Variants in DENND2A observed in about 807,000 individuals in gnomAD.
The protein encoded by DENND2A is DENN domain containing 2A.
Under a neutral mutation model 105.3 loss-of-function variants are expected in DENND2A, and 53 were observed. The ratio of observed to expected loss-of-function variants is 0.50; its 90% CI spans 0.40 to 0.63. DENND2A has a LOEUF of 0.63. Among genes scored for constraint, DENND2A ranks in the 30% least tolerant of loss-of-function variants. The pLI is 0.00. For synonymous variants in DENND2A, 522 were observed against 508.4 expected, an observed-to-expected ratio of 1.03 and a Z score of -0.36; for missense variants, 1,138 against 1,279.6, an observed-to-expected ratio of 0.89 and a Z score of 1.69.
At chr7:140,560,625 C>G (rs1797573732) in intron 9 of DENND2A, among the ~76,000 whole-genome samples, 1 of 151,104 alleles carries the variant, frequency 6.6e-6, no homozygotes, top group Non-Finnish European at 1.5e-5. Context: ...GGTCCCACCT[C>G]TATGGGAAAA....
At chr7:140,620,890 G>A (rs1188830070) in intron 1 of DENND2A, among the ~76,000 whole-genome samples, 2 of 151,866 alleles carry the variant, frequency 1.3e-5, no homozygotes, top group African/African-American at 4.9e-5. Flanking sequence ...ATGGCTAAAG[G>A]GAAATACAGT....
chr7:140,551,136 A>G (rs1016893751), intron 12 of DENND2A, among the ~76,000 whole-genome samples: 1 of 151,352 alleles, frequency 6.6e-6, no homozygotes, highest in African/African-American at 2.4e-5. Flanking sequence ...TCCCGTCTCT[A>G]CTAAAAATAC....
rs537609178 is a variant in DENND2A, at chr7:140,577,394, T to G, written c.1246-3386A>C. Among the ~76,000 whole-genome samples, 171 of 151,024 alleles carry G rather than the reference T, an allele frequency of 1.1e-3. 1 individual carries two copies. Among genetic ancestry groups the G allele is most frequent in the Non-Finnish European group, 2.1e-3 (140 of 67,840 alleles). ...ATCTTGGACTTAGGGATCAGAAAAC[T>G]TTTTCTTTTTTTTTTTTTTTTGAGA... is the stretch of plus-strand genomic sequence containing the variant. On this transcript the variant is annotated intron_variant, in intron 5 of 19. Transcript: ENST00000496613.
At chr7:140,580,421 G>T (rs1284382083) in intron 5 of DENND2A, among the ~76,000 whole-genome samples, 1 of 152,164 alleles carries the variant, frequency 6.6e-6, no homozygotes, top group Non-Finnish European at 1.5e-5. Flanking sequence ...CTGGGTTCAA[G>T]TGAATCTCCC....
At position 140,527,242 on chromosome 7, in the gene DENND2A, GA is replaced by G; in HGVS notation, c.2505+75del. ...CTGCTGGCTCTGAGAACCGCTCCAT[GA>G]TGCCTGCAGAGCCAGCGCCCCGCTC... On this transcript the variant is annotated intron_variant, in intron 15 of 19. Coordinates refer to ENST00000496613, the MANE Select transcript of DENND2A (RefSeq NM_015689.5). This position sits in a 1 kb window ranked among gnomAD's most constrained non-coding sequence, Gnocchi z 4.9. The G allele has an allele frequency of 7.0e-7, 1 of 1,426,666 alleles. No individual in the cohort carries two copies. The highest frequency in any genetic ancestry group is 1.5e-5 in the South Asian group (1 of 68,654). 88.4% of individuals were successfully genotyped at this position (1,426,666 alleles called of 1,614,324 possible).
intron 15 of DENND2A, among the ~76,000 whole-genome samples, chr7:140,526,972 G>C (rs1796076866): frequency 6.6e-6 from 1 of 152,172 alleles, no homozygotes; most frequent in Admixed American, 6.6e-5. Context: ...ACCAGATCTT[G>C]CTAGCTCCTC....
At chr7:140,610,185 G>A (rs1383131576) in intron 1 of DENND2A, among the ~76,000 whole-genome samples, 1 of 151,498 alleles carries the variant, frequency 6.6e-6, no homozygotes, top group Non-Finnish European at 1.5e-5. Context: ...CACCTAGGCT[G>A]GTCTTGAACT....
chr7:140,545,294 C>T (rs1796849598), intron 13 of DENND2A, among the ~76,000 whole-genome samples: 1 of 152,166 alleles, frequency 6.6e-6, no homozygotes, highest in African/African-American at 2.4e-5. Context: ...TTAGGTAACC[C>T]TGACACCATC....
intron 4 of DENND2A, among the ~76,000 whole-genome samples, chr7:140,586,292 G>A (rs1798776292): frequency 6.6e-6 from 1 of 152,166 alleles, no homozygotes; most frequent in African/African-American, 2.4e-5. Context: ...GCCGAAGGGG[G>A]TGGATCACTT....
At chr7:140,543,285 A>AT (rs36113743) in intron 14 of DENND2A, among the ~76,000 whole-genome samples, 47,524 of 128,270 alleles carry the variant, frequency 0.37, 9,190 homozygotes, top group African/African-American at 0.51. Flanking sequence ...TACCTGGCTA[A>AT]TTTTTTTTTT....
At chr7:140,620,598 G>A (rs970712410) in intron 1 of DENND2A, among the ~76,000 whole-genome samples, 2 of 152,302 alleles carry the variant, frequency 1.3e-5, no homozygotes, top group African/African-American at 4.8e-5. Flanking sequence ...TATAAACGCT[G>A]CTGTTGTCTG....
chr7:140,640,062 G>A lies in DENND2A; in HGVS notation c.-248+442C>T, dbSNP rs982130592. Among the ~76,000 whole-genome samples, 1 of 152,224 alleles carries A rather than the reference G, an allele frequency of 6.6e-6. No homozygotes were observed. Among genetic ancestry groups the A allele is most frequent in the African/African-American group, 2.4e-5 (1 of 41,464 alleles). On this transcript the variant is annotated intron_variant, in intron 1 of 19. Transcript: ENST00000496613. The surrounding 1 kb of genome is among the most constrained non-coding windows in gnomAD (Gnocchi z 4.9). ...TGACCGCTGTGAGGGGGGCCCGGCT[G>A]CTCAGCCGCCTCGATGCCCCGCGCT...
chr7:140,541,506 C>G (rs1046148862), intron 14 of DENND2A, among the ~76,000 whole-genome samples: 4 of 152,202 alleles, frequency 2.6e-5, no homozygotes, highest in African/African-American at 7.2e-5. Context: ...TCCCCTCCCC[C>G]ACATCCAAGC....
intron 2 of DENND2A, among the ~76,000 whole-genome samples, chr7:140,604,138 G>T (rs1186594350): frequency 6.6e-6 from 1 of 152,208 alleles, no homozygotes; most frequent in Non-Finnish European, 1.5e-5. Flanking sequence ...TGAATGTATA[G>T]ATCTGACCGC....
At chr7:140,533,219 TTGACCTCATGATCC>T (rs1796330438) in intron 14 of DENND2A, among the ~76,000 whole-genome samples, 1 of 152,126 alleles carries the variant, frequency 6.6e-6, no homozygotes, top group African/African-American at 2.4e-5. Context: ...TCTCGATTTC[TTGACCTCATGATCC>T]ACCCGATTCA....
intron 14 of DENND2A, among the ~76,000 whole-genome samples, chr7:140,539,673 G>C (rs1414376589): frequency 6.6e-6 from 1 of 152,226 alleles, no homozygotes; most frequent in Non-Finnish European, 1.5e-5. Flanking sequence ...AGGGCCGTAG[G>C]GGGCATGAAA....
intron 6 of DENND2A, among the ~76,000 whole-genome samples, chr7:140,572,882 C>T (rs777904930): frequency 1.3e-5 from 2 of 151,916 alleles, no homozygotes; most frequent in Non-Finnish European, 2.9e-5. Context: ...GCACAAAGGG[C>T]GCTCTGACCT....
chr7:140,589,994 T>C (rs145591684), intron 3 of DENND2A, among the ~76,000 whole-genome samples: 11 of 152,314 alleles, frequency 7.2e-5, no homozygotes, highest in African/African-American at 1.9e-4. Flanking sequence ...AAATAACATC[T>C]GAATCTTTAA....
intron 9 of DENND2A, among the ~76,000 whole-genome samples, chr7:140,560,941 A>G (rs1414802308): frequency 6.6e-6 from 1 of 152,136 alleles, no homozygotes; most frequent in East Asian, 1.9e-4. Context: ...GAAAAAAAAA[A>G]GGACAGGATG....
Sources: gnomAD v4.1 joint callset for allele counts (sites outside exome capture counted in the v4.1 genomes callset) on GRCh38, gnomAD v4.1.1 for gene constraint, Gnocchi (gnomAD v3.1) non-coding constraint, MANE v1.5 for transcripts, NCBI Gene and HGNC (gene_info 2026-07-23, HGNC 2026-07-21) for gene names.